CADPS2: variants seen among roughly 807,000 people sequenced by gnomAD.
The protein encoded by CADPS2 is calcium-dependent secretion activator 2.
A neutral mutation model predicts 172.5 loss-of-function variants in CADPS2; 93 were observed. The ratio of observed to expected loss-of-function variants is 0.54; its 90% CI spans 0.46 to 0.64. The LOEUF (loss-of-function observed/expected upper bound fraction) is 0.64. CADPS2 is among the 30% of genes least tolerant of loss of function. The probability of loss-of-function intolerance (pLI) is 0.00; values close to 1 mark genes in which losing one functional copy is unlikely to be tolerated. For missense variants in CADPS2, 1,420 were observed against 1,565.9 expected (o/e 0.91, Z 1.57); for synonymous variants, 546 against 555.2 (o/e 0.98, Z 0.23).
At chr7:122,804,525 T>A (rs1798365410) in intron 1 of CADPS2, among the ~76,000 whole-genome samples, 1 of 152,200 alleles carries the variant, frequency 6.6e-6, no homozygotes, top group Admixed American at 6.5e-5. Context: ...TAATAGAAAA[T>A]TTCTTAAATG....
chr7:122,628,847 C>T (rs151192524), intron 4 of CADPS2, among the ~76,000 whole-genome samples: 7 of 150,106 alleles, frequency 4.7e-5, no homozygotes, highest in Middle Eastern at 3.4e-3. Context: ...TAGTCAGAAC[C>T]ACTATGTGCC....
At chr7:122,358,854 T>C (rs1410085527) in intron 27 of CADPS2, among the ~76,000 whole-genome samples, 1 of 152,152 alleles carries the variant, frequency 6.6e-6, no homozygotes, top group Non-Finnish European at 1.5e-5. Flanking sequence ...TGGTATAGTA[T>C]GTTCTGCTCC....
At chr7:122,639,698 G>A (rs74468974) in intron 3 of CADPS2, among the ~76,000 whole-genome samples, 30,978 of 152,066 alleles carry the variant, frequency 0.2, 3,942 homozygotes, top group Middle Eastern at 0.3. Context: ...ATAATGATGT[G>A]CCCCATTTTA....
intron 25 of CADPS2, among the ~76,000 whole-genome samples, chr7:122,362,024 G>A (rs775224273): frequency 9.9e-5 from 15 of 152,222 alleles, no homozygotes; most frequent in South Asian, 2.1e-4. Flanking sequence ...CTGAGATCAT[G>A]CCATTGCTCT....
intron 1 of CADPS2, among the ~76,000 whole-genome samples, chr7:122,859,258 T>C (rs1816247206): frequency 6.6e-6 from 1 of 152,222 alleles, no homozygotes; most frequent in African/African-American, 2.4e-5. Flanking sequence ...TTATAGATGA[T>C]TGACTGAATA....
intron 1 of CADPS2, among the ~76,000 whole-genome samples, chr7:122,861,284 A>T (rs1335331203): frequency 6.6e-6 from 1 of 152,132 alleles, no homozygotes; most frequent in Non-Finnish European, 1.5e-5. Flanking sequence ...TGTCTATTTG[A>T]TAATAGCCAT....
intron 1 of CADPS2, among the ~76,000 whole-genome samples, chr7:122,760,638 A>G (rs1272869800): frequency 2.6e-5 from 4 of 152,060 alleles, no homozygotes; most frequent in Non-Finnish European, 5.9e-5. Context: ...AGCCATAAAA[A>G]ATGATGAGTT....
chr7:122,885,948 GA>G lies in CADPS2; in HGVS notation c.339+50del, dbSNP rs556792357. 2.4e-4 allele frequency: 371 copies of G among 1,565,922 alleles called. 2 individuals carry two copies. The East Asian group carries it at 7.3e-3, about 31-fold the overall frequency. On this transcript the variant is annotated intron_variant, in intron 1 of 29. Transcript: ENST00000449022. ...GAGGCGTCCCAGAGCTCTCCCGGGA[GA>G]AAAACCCAGGGAGAAGTGGTGGTAG...
intron 1 of CADPS2, among the ~76,000 whole-genome samples, chr7:122,849,192 A>T (rs1402849160): frequency 6.6e-6 from 1 of 152,236 alleles, no homozygotes; most frequent in Non-Finnish European, 1.5e-5. Context: ...TTTCATAAAC[A>T]CAAACCTGAC....
intron 1 of CADPS2, among the ~76,000 whole-genome samples, chr7:122,831,561 G>T (rs1239659191): frequency 1.3e-5 from 2 of 152,232 alleles, no homozygotes; most frequent in Admixed American, 6.5e-5. Context: ...AGGAGGGAAA[G>T]AATTGCTGTT....
At chr7:122,500,148 T>G (rs71573101) in intron 9 of CADPS2, among the ~76,000 whole-genome samples, 2,712 of 152,326 alleles carry the variant, frequency 0.018, 34 homozygotes, top group Non-Finnish European at 0.028. Context: ...AAATTCCATT[T>G]CTATATATTT....
chr7:122,450,421 A>G (rs2052910558), intron 15 of CADPS2, among the ~76,000 whole-genome samples: 1 of 151,716 alleles, frequency 6.6e-6, no homozygotes, highest in Non-Finnish European at 1.5e-5. Flanking sequence ...TTTAATTATT[A>G]AGTTCTGTTG....
intron 2 of CADPS2, among the ~76,000 whole-genome samples, chr7:122,732,416 A>T (rs2137569443): frequency 6.6e-6 from 1 of 151,378 alleles, no homozygotes; most frequent in Admixed American, 6.6e-5. Flanking sequence ...CATAAAAATC[A>T]TTCAAGAAAT....
intron 3 of CADPS2, among the ~76,000 whole-genome samples, chr7:122,654,885 TTG>T (rs1268495531): frequency 6.6e-6 from 1 of 152,260 alleles, no homozygotes; most frequent in Non-Finnish European, 1.5e-5. Flanking sequence ...ATTAACACAC[TTG>T]TGATTCAAGG....
Position 122,360,834 on chromosome 7 carries a change from G to A in CADPS2, c.3472-14C>T, listed in dbSNP as rs1563146602. ...AGCTGCTTTCACCTTAAGTGTGAAAGAAAGAGATAATCATGAGAATTATTT... is the reference window on the plus strand; with the variant it reads ...AGCTGCTTTCACCTTAAGTGTGAAAAAAAGAGATAATCATGAGAATTATTT... On this transcript the variant is annotated splice_polypyrimidine_tract_variant and intron_variant, in intron 26 of 29. Transcript: ENST00000449022. 2.5e-6 allele frequency: 4 copies of A among 1,574,436 alleles called. No homozygotes were observed. The Admixed American group carries it at 7.5e-5, about 29-fold the overall frequency.
chr7:122,549,044 C>A (rs939754177), intron 8 of CADPS2, among the ~76,000 whole-genome samples: 2 of 152,104 alleles, frequency 1.3e-5, no homozygotes, highest in African/African-American at 4.8e-5. Context: ...TTCTATTTTT[C>A]TCATTTGTCT....
chr7:122,465,332 A>G (rs2054994033), intron 14 of CADPS2, among the ~76,000 whole-genome samples: 1 of 152,198 alleles, frequency 6.6e-6, no homozygotes, highest in African/African-American at 2.4e-5. Context: ...AACATAAACT[A>G]CAACAGTTAA....
At chr7:122,644,873 ACT>A (rs1346414972) in intron 3 of CADPS2, among the ~76,000 whole-genome samples, 1 of 151,946 alleles carries the variant, frequency 6.6e-6, no homozygotes, top group Non-Finnish European at 1.5e-5. Context: ...CTTTTAAAGA[ACT>A]CTCTTATAGC....
At chr7:122,648,404 G>A (rs1206702152) in intron 3 of CADPS2, among the ~76,000 whole-genome samples, 1 of 152,066 alleles carries the variant, frequency 6.6e-6, no homozygotes, top group African/African-American at 2.4e-5. Context: ...GGCATCACCT[G>A]CAATCTCGAC....
Sources: allele counts gnomAD v4.1 joint callset (sites outside exome capture counted in the v4.1 genomes callset), GRCh38; gene constraint gnomAD v4.1.1; transcripts MANE v1.5; gene names NCBI Gene and HGNC (gene_info 2026-07-23, HGNC 2026-07-21).